ZFAT: variants seen among roughly 807,000 people sequenced by gnomAD.
ZFAT encodes the protein zinc finger and AT-hook domain containing.
ZFAT carries 64 observed loss-of-function variants against 117.7 expected under a neutral mutation model. The observed-to-expected ratio is 0.54, with a 90% CI of 0.44 to 0.67. The LOEUF (loss-of-function observed/expected upper bound fraction) is 0.67. ZFAT is among the 30% of genes least tolerant of loss of function. ZFAT has a pLI of 0.00. For synonymous variants in ZFAT, 679 were observed against 615.0 expected (o/e 1.10, Z -1.54); for missense variants, 1,433 against 1,584.5 (o/e 0.90, Z 1.62).
chr8:134,826,020 CAAA>C, the ZFAT span, among the ~76,000 whole-genome samples: 5 of 87,754 alleles, frequency 5.7e-5, no homozygotes, highest in Non-Finnish European at 4.9e-5. Flanking sequence ...GACTCTGTCT[CAAA>C]AAAAAAAAAA....
intron 2 of ZFAT, among the ~76,000 whole-genome samples, chr8:134,641,837 G>A (rs1485627477): frequency 3.9e-5 from 6 of 152,222 alleles, no homozygotes; most frequent in Non-Finnish European, 1.5e-5. Flanking sequence ...ACAGTTTGGG[G>A]ACAACTTCCT....
chr8:134,722,226 T>A, the ZFAT span, among the ~76,000 whole-genome samples: 1 of 152,148 alleles, frequency 6.6e-6, no homozygotes, highest in Non-Finnish European at 1.5e-5. Context: ...GAGGCACACC[T>A]CAGAGGGGTG....
chr8:134,608,691 A>T, intron 5 of ZFAT, 38 bp downstream of exon 5: 1 of 1,597,078 alleles, frequency 6.3e-7, no homozygotes, highest in South Asian at 1.1e-5. Flanking sequence ...ACTCACATGC[A>T]ACCTCTGGCT....
In ZFAT at chr8:134,631,482, T is replaced by C. The variant is rs1460135541; in HGVS notation, c.448+5979A>G. Among the ~76,000 whole-genome samples the C allele has an allele frequency of 2.0e-5, 3 of 152,348 alleles. No homozygotes were observed. In the South Asian group the frequency reaches 6.2e-4, roughly 32 times the overall value. ...AATGAGTCATGTGACCTGATCATCA[T>C]CGCTTCTGCATCTCAAATTCTTCAG... On this transcript the variant is annotated intron_variant, in intron 3 of 15. Coordinates refer to ENST00000377838, the MANE Select transcript of ZFAT (RefSeq NM_020863.4).
At chr8:134,782,812 G>A in the ZFAT span, among the ~76,000 whole-genome samples, 2 of 151,980 alleles carry the variant, frequency 1.3e-5, no homozygotes, top group African/African-American at 2.4e-5. Flanking sequence ...CCAGTCTCGG[G>A]TATGTCTTTA....
intron 15 of ZFAT, among the ~76,000 whole-genome samples, chr8:134,494,396 G>A (rs1274706976): frequency 6.6e-6 from 1 of 152,072 alleles, no homozygotes; most frequent in Non-Finnish European, 1.5e-5. Context: ...AAAGCTGCGG[G>A]GACAGGATCG....
At chr8:134,517,028 A>G (rs1266042032) in intron 13 of ZFAT, among the ~76,000 whole-genome samples, 1 of 152,170 alleles carries the variant, frequency 6.6e-6, no homozygotes, top group African/African-American at 2.4e-5. Flanking sequence ...TTTCGCTGTC[A>G]TTATTAAACA....
chr8:134,491,823 A>G (rs1818076526), intron 15 of ZFAT, among the ~76,000 whole-genome samples: 1 of 152,226 alleles, frequency 6.6e-6, no homozygotes, highest in Non-Finnish European at 1.5e-5. Flanking sequence ...CCCGCTTGCC[A>G]TGTAAAACTT....
At chr8:134,813,671 G>T in the ZFAT span, among the ~76,000 whole-genome samples, 1 of 152,042 alleles carries the variant, frequency 6.6e-6, no homozygotes, top group Non-Finnish European at 1.5e-5. Flanking sequence ...TGCCTCAGCC[G>T]CCTCCCAAAG....
the ZFAT span, among the ~76,000 whole-genome samples, chr8:134,822,999 A>G: frequency 4.6e-5 from 7 of 152,334 alleles, no homozygotes; most frequent in Non-Finnish European, 1.0e-4. Context: ...AAGGAATATG[A>G]AAGTTTAGGA....
At chr8:134,636,957 A>G (rs1294606470) in intron 3 of ZFAT, among the ~76,000 whole-genome samples, 1 of 152,228 alleles carries the variant, frequency 6.6e-6, no homozygotes, top group Non-Finnish European at 1.5e-5. Flanking sequence ...TGGCCCATCG[A>G]GGTCCCTCAT....
At chr8:134,640,159 T>A (rs1481493848) in intron 2 of ZFAT, among the ~76,000 whole-genome samples, 4 of 152,226 alleles carry the variant, frequency 2.6e-5, no homozygotes, top group Non-Finnish European at 5.9e-5. Context: ...CCTTTGAGTA[T>A]AATCAAATTA....
At chr8:134,601,060 T>C (rs1827404299) in intron 6 of ZFAT, among the ~76,000 whole-genome samples, 1 of 152,184 alleles carries the variant, frequency 6.6e-6, no homozygotes, top group Non-Finnish European at 1.5e-5. Context: ...CCAGGAGCCA[T>C]GCTTTCATTG....
intron 2 of ZFAT, among the ~76,000 whole-genome samples, chr8:134,649,202 C>CA (rs71298211): frequency 0.55 from 80,686 of 146,060 alleles, 22,685 homozygotes; most frequent in East Asian, 0.81. Flanking sequence ...CACACACACA[C>CA]CCCATCATAC....
chr8:134,759,247 C>T, the ZFAT span, among the ~76,000 whole-genome samples: 1,178 of 152,258 alleles, frequency 7.7e-3, 39 homozygotes, highest in Admixed American at 0.056. Flanking sequence ...GGAGGTAAGT[C>T]GAATTTTCAT....
chr8:134,617,941 T>C (rs1828859186), intron 3 of ZFAT, among the ~76,000 whole-genome samples: 1 of 152,174 alleles, frequency 6.6e-6, no homozygotes, highest in Non-Finnish European at 1.5e-5. Context: ...TCATGGGGCC[T>C]GGCCTTTCTT....
intron 3 of ZFAT, among the ~76,000 whole-genome samples, chr8:134,632,760 T>C (rs1489207938): frequency 6.6e-5 from 10 of 151,776 alleles, no homozygotes. Flanking sequence ...AAAAGACAAA[T>C]GACAAATTGC....
At chr8:134,740,211 T>C in the ZFAT span, among the ~76,000 whole-genome samples, 1 of 152,214 alleles carries the variant, frequency 6.6e-6, no homozygotes, top group Non-Finnish European at 1.5e-5. Context: ...ACCCATTCCC[T>C]TCTAGGAAGA....
chr8:134,649,348 A>T (rs1032884360), intron 2 of ZFAT, among the ~76,000 whole-genome samples: 16 of 152,184 alleles, frequency 1.1e-4, no homozygotes, highest in Admixed American at 3.3e-4. Flanking sequence ...CAAAGAATCC[A>T]GATTAGAAAG....
Sources: allele counts gnomAD v4.1 joint callset (sites outside exome capture counted in the v4.1 genomes callset), GRCh38; gene constraint gnomAD v4.1.1; transcripts MANE v1.5; gene names NCBI Gene and HGNC (gene_info 2026-07-23, HGNC 2026-07-21).